The following ATXN1 variants were observed in gnomAD, a reference collection of about 807,000 sequenced individuals.
ATXN1 encodes ataxin-1.
Under a neutral mutation model 56.4 loss-of-function variants are expected in ATXN1, and 8 were observed. That is an observed-to-expected ratio of 0.14 (90% CI 0.08 to 0.26). The LOEUF is 0.26. Ranked by LOEUF, ATXN1 falls within the 10% of genes least tolerant of loss-of-function variation. The probability of loss-of-function intolerance (pLI) is 1.00; values close to 1 mark genes in which losing one functional copy is unlikely to be tolerated. For missense variants in ATXN1, 987 were observed against 1,106.5 expected, an observed-to-expected ratio of 0.89 and a Z score of 1.53; for synonymous variants, 514 against 494.6, an observed-to-expected ratio of 1.04 and a Z score of -0.52.
intron 3 of ATXN1, among the ~76,000 whole-genome samples, chr6:16,634,594 C>T (rs780440299): frequency 2.8e-4 from 42 of 152,294 alleles, no homozygotes; most frequent in Middle Eastern, 3.4e-3. Context: ...CTCCCACCTC[C>T]GGCCTCTGCA....
chr6:16,377,881 G>A (rs989711221), intron 6 of ATXN1, among the ~76,000 whole-genome samples: 4 of 152,328 alleles, frequency 2.6e-5, no homozygotes, highest in East Asian at 1.9e-4. Context: ...ATTTGCTAAG[G>A]CTCCACCAGG....
chr6:16,704,412 T>G (rs1759361857), intron 2 of ATXN1, among the ~76,000 whole-genome samples: 1 of 152,154 alleles, frequency 6.6e-6, no homozygotes, highest in South Asian at 2.1e-4. Flanking sequence ...AGGCGCTCCC[T>G]CTAAGAATCT....
At chr6:16,701,367 T>C (rs982228713) in intron 2 of ATXN1, among the ~76,000 whole-genome samples, 2 of 152,198 alleles carry the variant, frequency 1.3e-5, no homozygotes, top group African/African-American at 4.8e-5. Flanking sequence ...CTTCTTCATC[T>C]ATAAACGGGG....
Position 16,679,276 on chromosome 6 carries a change from GTGGATGGATGGATGGA to G in ATXN1, c.-614-21391_-614-21376del, listed in dbSNP as rs10701438. Among the ~76,000 whole-genome samples the G allele has an allele frequency of 5.1e-5, 7 of 138,306 alleles. No homozygotes were observed. The South Asian group carries it at 9.5e-4, about 19-fold the overall frequency. The allele number at this position is 138,306 out of a possible 152,430, so 90.7% of individuals were successfully genotyped here. ...GATGGATGGATGGATGAGTTAGTGG[GTGGATGGATGGATGGA>G]TGGATGGATGGATGGATGGATGGAT... On this transcript the variant is annotated intron_variant, in intron 2 of 7. Transcript: ENST00000436367.
intron 2 of ATXN1, among the ~76,000 whole-genome samples, chr6:16,658,177 G>C (rs1049334024): frequency 2.0e-5 from 3 of 152,114 alleles, no homozygotes; most frequent in African/African-American, 7.2e-5. Flanking sequence ...ATGTACACCA[G>C]TGGGAATGCA....
intron 6 of ATXN1, among the ~76,000 whole-genome samples, chr6:16,355,141 A>T (rs1210659666): frequency 6.6e-6 from 1 of 152,202 alleles, no homozygotes; most frequent in Non-Finnish European, 1.5e-5. Context: ...GGCTGCATAA[A>T]ACAGAAGGAA....
chr6:16,500,315 GA>G (rs1245106164), intron 5 of ATXN1, among the ~76,000 whole-genome samples: 2 of 152,144 alleles, frequency 1.3e-5, no homozygotes, highest in African/African-American at 4.8e-5. Context: ...ACAGAACTTG[GA>G]AGTGGCAGAA....
chr6:16,531,563 C>T (rs371970337), intron 4 of ATXN1, among the ~76,000 whole-genome samples: 1 of 148,818 alleles, frequency 6.7e-6, no homozygotes, highest in East Asian at 2.0e-4. Flanking sequence ...GTGGAGGTTG[C>T]AGTGAGCCGA....
intron 3 of ATXN1, among the ~76,000 whole-genome samples, chr6:16,645,125 A>C (rs538242397): frequency 6.6e-6 from 1 of 152,314 alleles, no homozygotes; most frequent in Non-Finnish European, 1.5e-5. Context: ...GCCTGTTGCC[A>C]TGTGTCTTTT....
intron 4 of ATXN1, among the ~76,000 whole-genome samples, chr6:16,547,747 C>G (rs1025591179): frequency 2.0e-5 from 3 of 152,140 alleles, no homozygotes; most frequent in African/African-American, 7.2e-5. Flanking sequence ...GTAATAGCCT[C>G]AGAGGGAGGC....
chr6:16,655,864 C>T (rs1291510892), intron 3 of ATXN1, among the ~76,000 whole-genome samples: 3 of 151,490 alleles, frequency 2.0e-5, no homozygotes, highest in Non-Finnish European at 1.5e-5. Flanking sequence ...CTGAGGCAGG[C>T]GGATCACCTG....
At chr6:16,708,506 T>C (rs895248497) in intron 2 of ATXN1, among the ~76,000 whole-genome samples, 9 of 152,256 alleles carry the variant, frequency 5.9e-5, no homozygotes, top group South Asian at 4.1e-4. Context: ...TACAATGCAA[T>C]TAAAACATAA....
At chr6:16,714,180 A>ACCACAC (rs1363817634) in intron 2 of ATXN1, among the ~76,000 whole-genome samples, 1 of 21,504 alleles carries the variant, frequency 4.7e-5, no homozygotes, top group Non-Finnish European at 7.6e-5. Flanking sequence ...AAAACCACAC[A>ACCACAC]CCACACACAC....
At chr6:16,563,001 T>G (rs919426127) in intron 4 of ATXN1, among the ~76,000 whole-genome samples, 3 of 151,778 alleles carry the variant, frequency 2.0e-5, no homozygotes, top group Non-Finnish European at 4.4e-5. Context: ...ACGAGGGGTC[T>G]TGGAGCCTTG....
intron 7 of ATXN1, among the ~76,000 whole-genome samples, chr6:16,307,423 C>T (rs1272518526): frequency 6.6e-6 from 1 of 152,082 alleles, no homozygotes; most frequent in Non-Finnish European, 1.5e-5. Context: ...AATCCCAGCA[C>T]TTTGGGACAC....
intron 2 of ATXN1, among the ~76,000 whole-genome samples, chr6:16,663,759 A>G (rs6459481): frequency 0.7 from 105,990 of 151,858 alleles, 38,376 homozygotes; most frequent in African/African-American, 0.89. Flanking sequence ...CGAACTCCTC[A>G]ACTCAAGCAG....
intron 3 of ATXN1, among the ~76,000 whole-genome samples, chr6:16,629,303 C>T (rs1459698378): frequency 6.6e-6 from 1 of 152,134 alleles, no homozygotes; most frequent in African/African-American, 2.4e-5. Context: ...CCTTTGCTCA[C>T]TTTTTCATGG....
chr6:16,712,394 A>G (rs16878866), intron 2 of ATXN1, among the ~76,000 whole-genome samples: 6,861 of 152,262 alleles, frequency 0.045, 525 homozygotes, highest in African/African-American at 0.15. Context: ...CAAGGCAGAC[A>G]GCAAGTGAGA....
At chr6:16,509,901 G>A (rs1190984080) in intron 5 of ATXN1, among the ~76,000 whole-genome samples, 1 of 152,084 alleles carries the variant, frequency 6.6e-6, no homozygotes, top group Non-Finnish European at 1.5e-5. Context: ...CCTTGTTCCA[G>A]AACGTACTCT....
Sources: allele counts gnomAD v4.1 joint callset (sites outside exome capture counted in the v4.1 genomes callset), GRCh38; gene constraint gnomAD v4.1.1; transcripts MANE v1.5; gene names NCBI Gene and HGNC (gene_info 2026-07-23, HGNC 2026-07-21).